The following TMEM185B variants were observed in gnomAD, a reference collection of about 807,000 sequenced individuals.
The protein encoded by TMEM185B is ee3_2.
In TMEM185B, 9 loss-of-function variants were observed where a neutral mutation model predicts 26.2. That is an observed-to-expected ratio of 0.34 (90% CI 0.21 to 0.60). The LOEUF (loss-of-function observed/expected upper bound fraction) is 0.60. TMEM185B is among the 20% of genes least tolerant of loss of function. The pLI is 0.80. For synonymous variants in TMEM185B, 204 were observed against 191.8 expected (o/e 1.06, Z -0.52); for missense variants, 392 against 447.9 (o/e 0.88, Z 1.13).
In TMEM185B at chr2:120,221,944, T is replaced by G; in HGVS notation, c.1033A>C (p.Asn345His). 6.5e-7 allele frequency: 1 copy of G among 1,532,778 alleles called. No individual in the cohort carries two copies. The highest frequency in any genetic ancestry group is 8.7e-7 in the Non-Finnish European group (1 of 1,145,656). 94.9% of individuals were successfully genotyped at this position (1,532,778 alleles called of 1,614,324 possible). Residue 345 changes from asparagine (N) to histidine (H), a missense_variant, in exon 1 of 1, where the codon AAT becomes CAT. This residue lies in a region of TMEM185B where 176 missense variants were observed against 201.6 expected (regional missense o/e 0.87). Coordinates refer to ENST00000426077, the MANE Select transcript of TMEM185B (RefSeq NM_024121.3). Reference protein sequence around the residue: ...GKYVPPPPKLNIDMPD With the variant: ...GKYVPPPPKLHIDMPD The stretch of plus-strand genomic sequence containing the variant: ...GGAGTTTAATCTGGCATATCAATAT[T>G]TAACTTGGGAGGGGGGGGAACGTAT...
rs1323953672 is a variant in TMEM185B, at chr2:120,221,590, ACT to A, written c.*332_*333del. ...TTTTAGATTAGCAGTGTATAAAAAT[ACT>A]TTTTAAACAATAGTTTTGATAGGTA... On this transcript the variant is annotated 3_prime_UTR_variant, in exon 1 of 1. Coordinates refer to ENST00000426077, the MANE Select transcript of TMEM185B (RefSeq NM_024121.3). 1 of 232,296 alleles carries A rather than the reference ACT, an allele frequency of 4.3e-6. No individual in the cohort carries two copies. The highest frequency in any genetic ancestry group is 8.3e-6 in the Non-Finnish European group (1 of 120,024). 14.4% of individuals were successfully genotyped at this position (232,296 alleles called of 1,614,324 possible). A position where few individuals can be genotyped will look rare whatever the true frequency, so the allele number is the denominator to read the frequency against.
In TMEM185B at chr2:120,223,151, C is replaced by G. The variant is rs1688622771; in HGVS notation, c.-175G>C. On this transcript the variant is annotated 5_prime_UTR_variant, in exon 1 of 1. Transcript: ENST00000426077. ...GCGGCGAAGCGGAGAGGCCGGAACA[C>G]GTGCACGCGCGGTCACGTGGCCCGG... The G allele has an allele frequency of 2.3e-6, 1 of 429,614 alleles. No homozygotes were observed. Among genetic ancestry groups the G allele is most frequent in the Admixed American group, 4.6e-5 (1 of 21,930 alleles). The allele number at this position is 429,614 out of a possible 1,614,324, so 26.6% of individuals were successfully genotyped here.
rs1688591412 is a variant in TMEM185B at position 120,221,820 on chromosome 2, T to C, written c.*104A>G. ...TGAGGCGGTGATCTCAAACACGGCG[T>C]GAGACGAGTGTTTGAAGCCTGTTTC... On this transcript the variant is annotated 3_prime_UTR_variant, in exon 1 of 1. Coordinates refer to ENST00000426077, the MANE Select transcript of TMEM185B (RefSeq NM_024121.3). The C allele has an allele frequency of 2.1e-6, 2 of 943,736 alleles. No homozygotes were observed. The highest frequency in any genetic ancestry group is 3.1e-6 in the Non-Finnish European group (2 of 650,430). The allele number at this position is 943,736 out of a possible 1,614,324, so 58.5% of individuals were successfully genotyped here. A position where few individuals can be genotyped will look rare whatever the true frequency, so the allele number is the denominator to read the frequency against.
chr2:120,222,507 GC>G lies in TMEM185B; in HGVS notation c.469del (p.Ala157ProfsTer2). ...SVNILQFIFI[A>X]LKLDRIIHWP... The stretch of plus-strand genomic sequence containing the variant: ...GTGAATAATCCTGTCCAGCTTTAGG[GC>G]GATGAAGATGAACTGCAGGATGTTG... On this transcript the variant is annotated frameshift_variant, in exon 1 of 1. Coordinates refer to ENST00000426077, the MANE Select transcript of TMEM185B (RefSeq NM_024121.3). LOFTEE classifies it high-confidence loss of function. 9.1e-6 allele frequency: 14 copies of G among 1,536,252 alleles called. No homozygotes were observed. Among genetic ancestry groups the G allele is most frequent in the Non-Finnish European group, 1.1e-5 (13 of 1,146,932 alleles).
In TMEM185B at chr2:120,221,098, G is replaced by A. The variant is rs973333914; in HGVS notation, c.*826C>T. ...AGCCTGTCACAAGTTCCCAAGGGCA[G>A]TGGCCTCTTCCTCTACTAACGGGTA... On this transcript the variant is annotated 3_prime_UTR_variant, in exon 1 of 1. Transcript: ENST00000426077. Among the ~76,000 whole-genome samples the A allele has an allele frequency of 5.3e-5, 8 of 152,200 alleles. No individual in the cohort carries two copies. The highest frequency in any genetic ancestry group is 1.9e-4 in the African/African-American group (8 of 41,436).
chr2:120,222,471 A>C lies in TMEM185B; in HGVS notation c.506T>G (p.Leu169Arg). 1 of 1,536,296 alleles carries C rather than the reference A, an allele frequency of 6.5e-7. No homozygotes were observed. The highest frequency in any genetic ancestry group is 8.7e-7 in the Non-Finnish European group (1 of 1,146,942). The part of the protein sequence containing the change: ...KLDRIIHWPW[L>R]VVFVPLWILM... ...GATCCACAGGGGCACAAACACCACC[A>C]GCCACGGCCAGTGAATAATCCTGTC... Residue 169 changes from leucine (L) to arginine (R), a missense_variant, in exon 1 of 1, where the codon CTG (leucine) becomes CGG (arginine). Transcript: ENST00000426077.
At position 120,219,007 on chromosome 2, in the gene TMEM185B, G is replaced by A. The variant is rs987481831; in HGVS notation, c.*2917C>T. 2.0e-5 allele frequency among the ~76,000 whole-genome samples: 3 copies of A among 152,200 alleles called. No individual in the cohort carries two copies. The highest frequency in any genetic ancestry group is 7.2e-5 in the African/African-American group (3 of 41,466). ...ATTTGTGCTTGCAAGGTAGGGCTTG[G>A]CCTCCTGTGCTTCTGCCATGAGAAA... On this transcript the variant is annotated 3_prime_UTR_variant, in exon 1 of 1. Coordinates refer to ENST00000426077, the MANE Select transcript of TMEM185B (RefSeq NM_024121.3).
At position 120,222,001 on chromosome 2, in the gene TMEM185B, C is replaced by T. The variant is rs778370636; in HGVS notation, c.976G>A (p.Ala326Thr). 81 of 1,539,196 alleles carry T rather than the reference C, an allele frequency of 5.3e-5. No individual in the cohort carries two copies. The highest frequency in any genetic ancestry group is 6.9e-5 in the Non-Finnish European group (79 of 1,146,926). ...PKIAPIFGKK[A>T]RVVITQSPGK... ...GGGCTCTGGGTTATAACTACTCTGGCCTTCTTTCCAAATATTGGAGCAATT... is the reference window on the plus strand; with the variant it reads ...GGGCTCTGGGTTATAACTACTCTGGTCTTCTTTCCAAATATTGGAGCAATT... Residue 326 changes from alanine to threonine, a missense_variant, in exon 1 of 1, where the codon GCC becomes ACC. Around this residue, in one of 3 missense-constraint regions of TMEM185B, gnomAD observed 176 missense variants for 201.6 expected, o/e 0.87. Coordinates refer to ENST00000426077, the MANE Select transcript of TMEM185B (RefSeq NM_024121.3).
At position 120,222,727 on chromosome 2, in the gene TMEM185B, T is replaced by A. The variant is rs564447548; in HGVS notation, c.250A>T (p.Met84Leu). The A allele has an allele frequency of 4.6e-4, 708 of 1,536,320 alleles. No individual in the cohort carries two copies. Among genetic ancestry groups the A allele is most frequent in the Non-Finnish European group, 6.0e-4 (687 of 1,146,966 alleles). ...EGEACVEFKAMLIAVGIHLLL... is the reference protein window; with the variant it reads ...EGEACVEFKALLIAVGIHLLL... ...AGGTGGATGCCCACAGCGATCAGCA[T>A]GGCTTTGAACTCCACACAGGCCTCT... Residue 84 changes from methionine to leucine, a missense_variant, in exon 1 of 1, where the codon ATG becomes TTG. Met to Leu is a conservative substitution (Grantham distance 15). Transcript: ENST00000426077.
At position 120,223,222 on chromosome 2, in the gene TMEM185B, G is replaced by A. The variant is rs555833388; in HGVS notation, c.-246C>T. 5.2e-4 allele frequency: 163 copies of A among 311,550 alleles called. No individual in the cohort carries two copies. Among genetic ancestry groups the A allele is most frequent in the African/African-American group, 3.1e-3 (143 of 46,092 alleles). The allele number at this position is 311,550 out of a possible 1,614,324, so 19.3% of individuals were successfully genotyped here. ...GGCGCGCGCGGGCACGGGCGGCGCG[G>A]CGGTTACAAACTGGGCGCTGCCTCG... On this transcript the variant is annotated 5_prime_UTR_variant, in exon 1 of 1. Transcript: ENST00000426077.
rs894112484 is a variant in TMEM185B, at chr2:120,217,546, T to A, written c.*4378A>T. Among the ~76,000 whole-genome samples, 12 of 152,228 alleles carry A rather than the reference T, an allele frequency of 7.9e-5. No individual in the cohort carries two copies. The highest frequency in any genetic ancestry group is 2.0e-4 in the Admixed American group (3 of 15,284). On this transcript the variant is annotated 3_prime_UTR_variant, in exon 1 of 1. Coordinates refer to ENST00000426077, the MANE Select transcript of TMEM185B (RefSeq NM_024121.3). Reference sequence around the variant, plus strand: ...TCCATTACATGTTACCTTAAAAAAATTTTTAAACCTATATTTTCCAAAACA... The same window carrying A: ...TCCATTACATGTTACCTTAAAAAAAATTTTAAACCTATATTTTCCAAAACA...
chr2:120,221,668 T>C lies in TMEM185B; in HGVS notation c.*256A>G, dbSNP rs1041450792. On this transcript the variant is annotated 3_prime_UTR_variant, in exon 1 of 1. Transcript: ENST00000426077. ...GTGGTTATTCCTTTTGAGGACCTAC[T>C]AAAACAATTCGACTTACTGCCCCCA... is the stretch of plus-strand genomic sequence containing the variant. The C allele has an allele frequency of 1.5e-4, 75 of 509,306 alleles. No homozygotes were observed. The highest frequency in any genetic ancestry group is 2.4e-4 in the Non-Finnish European group (69 of 289,186). 31.5% of individuals were successfully genotyped at this position (509,306 alleles called of 1,614,324 possible).
rs1267175089 is a variant in TMEM185B at position 120,218,909 on chromosome 2, C to A, written c.*3015G>T. Reference sequence around the variant, plus strand: ...GTGTGGACTGTGCTTGTTCCTTGGCCATGCACTGCCTCACCCCACAGAGGT... The same window carrying A: ...GTGTGGACTGTGCTTGTTCCTTGGCAATGCACTGCCTCACCCCACAGAGGT... On this transcript the variant is annotated 3_prime_UTR_variant, in exon 1 of 1. Transcript: ENST00000426077. Among the ~76,000 whole-genome samples the A allele has an allele frequency of 6.6e-6, 1 of 152,218 alleles. No individual in the cohort carries two copies. Among genetic ancestry groups the A allele is most frequent in the East Asian group, 1.9e-4 (1 of 5,198 alleles).
At position 120,220,230 on chromosome 2, in the gene TMEM185B, G is replaced by A. The variant is rs550469987; in HGVS notation, c.*1694C>T. On this transcript the variant is annotated 3_prime_UTR_variant, in exon 1 of 1. Coordinates refer to ENST00000426077, the MANE Select transcript of TMEM185B (RefSeq NM_024121.3). ...ACCCAACAAGTTTGCCTCATGGCCAGGGCAAAGTGTGTGGAGCCCATTTGA... is the reference window on the plus strand; with the variant it reads ...ACCCAACAAGTTTGCCTCATGGCCAAGGCAAAGTGTGTGGAGCCCATTTGA... Among the ~76,000 whole-genome samples the A allele has an allele frequency of 1.3e-5, 2 of 152,368 alleles. No homozygotes were observed. The highest frequency in any genetic ancestry group is 2.1e-4 in the South Asian group (1 of 4,834).
Position 120,222,243 on chromosome 2 carries a change from G to A in TMEM185B, c.734C>T (p.Ser245Phe), listed in dbSNP as rs183830419. 6 of 1,536,778 alleles carry A rather than the reference G, an allele frequency of 3.9e-6. No homozygotes were observed. Among genetic ancestry groups the A allele is most frequent in the East Asian group, 2.4e-5 (1 of 40,918 alleles). The stretch of plus-strand genomic sequence containing the variant: ...GGAAAGCCAAAGGGGGACAAATATG[G>A]AGACGTAGGAGAATGTATTGTGGCC... ...LDGHNTFSYV[S>F]IFVPLWLSLL... Residue 245 changes from serine (S) to phenylalanine (F), a missense_variant, in exon 1 of 1, where the codon TCC (serine) becomes TTC (phenylalanine). Physicochemically the swap from Ser to Phe is radical, Grantham distance 155. Around this residue, in one of 3 missense-constraint regions of TMEM185B, gnomAD observed 176 missense variants for 201.6 expected, o/e 0.87. Coordinates refer to ENST00000426077, the MANE Select transcript of TMEM185B (RefSeq NM_024121.3).
Position 120,221,741 on chromosome 2 carries a change from A to C in TMEM185B, c.*183T>G. The C allele has an allele frequency of 5.0e-6, 3 of 603,012 alleles. No homozygotes were observed. The highest frequency in any genetic ancestry group is 8.6e-6 in the Non-Finnish European group (3 of 349,518). The allele number at this position is 603,012 out of a possible 1,614,324, so 37.4% of individuals were successfully genotyped here. A position where few individuals can be genotyped will look rare whatever the true frequency, so the allele number is the denominator to read the frequency against. ...TGGAAAGCAAGTCTCTTACCCAGGT[A>C]CACATCACACACACCCACATACTGA... On this transcript the variant is annotated 3_prime_UTR_variant, in exon 1 of 1. Transcript: ENST00000426077.
Position 120,221,636 on chromosome 2 carries a change from C to G in TMEM185B, c.*288G>C. The G allele has an allele frequency of 2.4e-6, 1 of 419,662 alleles. No individual in the cohort carries two copies. The highest frequency in any genetic ancestry group is 4.2e-5 in the South Asian group (1 of 23,686). 26.0% of individuals were successfully genotyped at this position (419,662 alleles called of 1,614,324 possible). On this transcript the variant is annotated 3_prime_UTR_variant, in exon 1 of 1. Transcript: ENST00000426077. ...ATAGGTACAGTAGCATTTAAACAAA[C>G]AGCTGTGTGGTTATTCCTTTTGAGG...
Position 120,222,788 on chromosome 2 carries a change from G to A in TMEM185B, c.189C>T (p.Gly63=), listed in dbSNP as rs1479245285. ...LVVAGASVGA[G]VWARNPRYRT... is the part of the protein sequence containing the mutation. Reference sequence around the variant, plus strand: ...GGTAGCGAGGGTTGCGGGCCCAAACGCCCGCGCCCACGGAGGCGCCTGCGA... The same window carrying A: ...GGTAGCGAGGGTTGCGGGCCCAAACACCCGCGCCCACGGAGGCGCCTGCGA... The change falls in exon 1 of 1, where the codon GGC becomes GGT. Residue 63 remains glycine (G), a synonymous_variant. Coordinates refer to ENST00000426077, the MANE Select transcript of TMEM185B (RefSeq NM_024121.3). 1.3e-6 allele frequency: 2 copies of A among 1,532,890 alleles called. No homozygotes were observed. Among genetic ancestry groups the A allele is most frequent in the East Asian group, 4.9e-5 (2 of 40,890 alleles). 95.0% of individuals were successfully genotyped at this position (1,532,890 alleles called of 1,614,324 possible).
rs922843172 is a variant in TMEM185B, at chr2:120,222,891, G to C, written c.86C>G (p.Pro29Arg). The C allele has an allele frequency of 1.4e-6, 2 of 1,459,942 alleles. No individual in the cohort carries two copies. The highest frequency in any genetic ancestry group is 2.8e-5 in the African/African-American group (2 of 70,328). The allele number at this position is 1,459,942 out of a possible 1,614,324, so 90.4% of individuals were successfully genotyped here. Reference protein sequence around the residue: ...TCLLLFSVLLPLRLDGIIQWS... With the variant: ...TCLLLFSVLLRLRLDGIIQWS... ...TTGGATGATGCCGTCCAGGCGGAGGGGCAGCAGCACCGAGAAGAGCAGCAG... is the reference window on the plus strand; with the variant it reads ...TTGGATGATGCCGTCCAGGCGGAGGCGCAGCAGCACCGAGAAGAGCAGCAG... Residue 29 changes from proline (P) to arginine (R), a missense_variant, in exon 1 of 1, where the codon CCC (proline) becomes CGC (arginine). Pro to Arg is a moderately radical substitution (Grantham distance 103, BLOSUM62 -2). This residue lies in a region of TMEM185B where 175 missense variants were observed against 169.1 expected (regional missense o/e 1.03). Coordinates refer to ENST00000426077, the MANE Select transcript of TMEM185B (RefSeq NM_024121.3).
Sources: gnomAD v4.1 joint callset for allele counts (sites outside exome capture counted in the v4.1 genomes callset) on GRCh38, gnomAD v4.1.1 for gene constraint, gnomAD v4.1.1 regional missense constraint, MANE v1.5 for transcripts, NCBI Gene and HGNC (gene_info 2026-07-23, HGNC 2026-07-21) for gene names.